The following C3orf70 variants were observed in gnomAD, a reference collection of about 807,000 sequenced individuals.
C3orf70 encodes the protein chromosome 3 open reading frame 70, also known as UPF0524 protein C3orf70.
A neutral mutation model predicts 20.7 loss-of-function variants in C3orf70; 15 were observed. That is an observed-to-expected ratio of 0.72 (90% CI 0.48 to 1.11). The LOEUF is 1.11. Ranked by LOEUF, C3orf70 falls within the 50% of genes most tolerant of loss-of-function variation. C3orf70 has a pLI of 0.00. For synonymous variants in C3orf70, 161 were observed against 125.7 expected (o/e 1.28, Z -1.88); for missense variants, 332 against 317.6 (o/e 1.05, Z -0.34).
At chr3:185,097,295 TAAC>T (rs1715729509) in intron 1 of C3orf70, among the ~76,000 whole-genome samples, 1 of 152,238 alleles carries the variant, frequency 6.6e-6, no homozygotes, top group South Asian at 2.1e-4. Flanking sequence ...CTGGACATAT[TAAC>T]AAGTTTAATA....
intron 1 of C3orf70, among the ~76,000 whole-genome samples, chr3:185,098,883 C>T (rs1330157601): frequency 2.6e-5 from 4 of 152,264 alleles, no homozygotes; most frequent in East Asian, 1.9e-4. Context: ...AGTGATTTCC[C>T]GTGGGCGTCA....
At chr3:185,118,031 G>A (rs929189064) in intron 1 of C3orf70, among the ~76,000 whole-genome samples, 2 of 152,014 alleles carry the variant, frequency 1.3e-5, no homozygotes, top group African/African-American at 4.8e-5. Flanking sequence ...CACAACTATA[G>A]TTTTTACAAT....
chr3:185,097,558 CAT>C (rs1279772628), intron 1 of C3orf70, among the ~76,000 whole-genome samples: 13 of 152,160 alleles, frequency 8.5e-5, no homozygotes, highest in African/African-American at 2.9e-4. Context: ...TAGATGAACA[CAT>C]GTTAATCTTA....
At chr3:185,137,671 G>A (rs934425417) in intron 1 of C3orf70, among the ~76,000 whole-genome samples, 4 of 152,076 alleles carry the variant, frequency 2.6e-5, no homozygotes, top group Non-Finnish European at 2.9e-5. Context: ...GAAGTTTCGA[G>A]GGAAATCAAA....
intron 1 of C3orf70, among the ~76,000 whole-genome samples, chr3:185,095,925 C>T (rs145300720): frequency 7.2e-5 from 11 of 151,972 alleles, no homozygotes; most frequent in South Asian, 4.2e-4. Flanking sequence ...TTAGTAGAGA[C>T]GGGGTTTCAC....
chr3:185,117,332 T>C (rs561320603), intron 1 of C3orf70, among the ~76,000 whole-genome samples: 58 of 147,340 alleles, frequency 3.9e-4, no homozygotes, highest in African/African-American at 1.4e-3. Context: ...AATTCAGTTA[T>C]TGTAAGATCT....
chr3:185,109,554 G>T (rs1577324986), intron 1 of C3orf70, among the ~76,000 whole-genome samples: 1 of 152,312 alleles, frequency 6.6e-6, no homozygotes, highest in East Asian at 1.9e-4. Flanking sequence ...TCAAAAAGCT[G>T]TCACAGATGG....
chr3:185,134,465 C>T (rs751770886), intron 1 of C3orf70, among the ~76,000 whole-genome samples: 21 of 152,108 alleles, frequency 1.4e-4, no homozygotes, highest in East Asian at 3.9e-4. Context: ...AGCAACCACA[C>T]GGTAGTGAGT....
intron 1 of C3orf70, among the ~76,000 whole-genome samples, chr3:185,114,702 GA>G (rs1363328146): frequency 2.0e-5 from 3 of 152,112 alleles, no homozygotes; most frequent in African/African-American, 7.2e-5. Flanking sequence ...TTTACTGACT[GA>G]AAAAACCTTG....
At chr3:185,128,436 G>A (rs1223583562) in intron 1 of C3orf70, among the ~76,000 whole-genome samples, 1 of 151,678 alleles carries the variant, frequency 6.6e-6, no homozygotes, top group African/African-American at 2.4e-5. Context: ...GCTGAGGCAG[G>A]AGAATCGCCT....
At chr3:185,109,654 A>G (rs1716022407) in intron 1 of C3orf70, among the ~76,000 whole-genome samples, 1 of 152,234 alleles carries the variant, frequency 6.6e-6, no homozygotes, top group Non-Finnish European at 1.5e-5. Flanking sequence ...TGCCGTGAGT[A>G]TTCCTTCAAC....
At chr3:185,152,450 C>A (rs1717010178) in intron 1 of C3orf70, among the ~76,000 whole-genome samples, 178 bp downstream of exon 1, 1 of 152,200 alleles carries the variant, frequency 6.6e-6, no homozygotes, top group African/African-American at 2.4e-5. Context: ...CAACCCCAGC[C>A]GTCCGGCGCA....
Position 185,083,563 on chromosome 3 carries a change from C to T in C3orf70, c.197G>A (p.Cys66Tyr), listed in dbSNP as rs768479439. The stretch of plus-strand genomic sequence containing the variant: ...GGTCATAGGCTGATACATGTATTTG[C>T]CTGTGAAGACACAAAAAGACACTTG... Reference protein sequence around the residue: ...HWCCHLGWCHCKYMYQPMTPV... With the variant: ...HWCCHLGWCHYKYMYQPMTPV... The change falls in exon 2 of 2, where the codon TGC becomes TAC. Residue 66 changes from cysteine to tyrosine, a missense_variant and splice_region_variant. Coordinates refer to ENST00000335012, the MANE Select transcript of C3orf70 (RefSeq NM_001025266.3). 1 of 1,569,392 alleles carries T rather than the reference C, an allele frequency of 6.4e-7. No homozygotes were observed. The highest frequency in any genetic ancestry group is 8.6e-7 in the Non-Finnish European group (1 of 1,160,010).
intron 1 of C3orf70, among the ~76,000 whole-genome samples, chr3:185,144,656 G>A (rs1716819073): frequency 6.6e-6 from 1 of 152,110 alleles, no homozygotes; most frequent in South Asian, 2.1e-4. Flanking sequence ...ATTTTCAGTA[G>A]AGACTGGGTT....
intron 1 of C3orf70, among the ~76,000 whole-genome samples, chr3:185,118,173 G>A (rs1716221720): frequency 6.6e-6 from 1 of 152,226 alleles, no homozygotes; most frequent in African/African-American, 2.4e-5. Context: ...CTCAACAAAT[G>A]TTTGTTGAAT....
At chr3:185,084,374 T>C (rs1047343228) in intron 1 of C3orf70, among the ~76,000 whole-genome samples, 12 of 152,088 alleles carry the variant, frequency 7.9e-5, no homozygotes, top group Non-Finnish European at 1.5e-5. Flanking sequence ...TACATACACC[T>C]ACATATTTAT....
At chr3:185,139,734 G>A (rs1380023611) in intron 1 of C3orf70, among the ~76,000 whole-genome samples, 1 of 152,074 alleles carries the variant, frequency 6.6e-6, no homozygotes, top group African/African-American at 2.4e-5. Flanking sequence ...ATGGTGGAAT[G>A]ATAATCTTTC....
At chr3:185,152,555 G>A (rs1195207600) in intron 1 of C3orf70, 73 bp downstream of exon 1, 88 of 1,393,922 alleles carry the variant, frequency 6.3e-5, no homozygotes, top group Non-Finnish European at 8.2e-5. Context: ...CAGAGTTCCG[G>A]CAGCGACCCC....
intron 1 of C3orf70, among the ~76,000 whole-genome samples, chr3:185,134,151 A>G (rs1224834917): frequency 6.6e-6 from 1 of 151,888 alleles, no homozygotes. Flanking sequence ...CAAATGCAGT[A>G]GAAGATATTG....
Sources: gnomAD v4.1 joint callset for allele counts (sites outside exome capture counted in the v4.1 genomes callset) on GRCh38, gnomAD v4.1.1 for gene constraint, MANE v1.5 for transcripts, NCBI Gene and HGNC (gene_info 2026-07-23, HGNC 2026-07-21) for gene names.